TMTC2: variants seen among roughly 807,000 people sequenced by gnomAD.
TMTC2 encodes protein O-mannosyl-transferase TMTC2.
Under a neutral mutation model 82.4 loss-of-function variants are expected in TMTC2, and 43 were observed. The observed-to-expected ratio is 0.52, with a 90% CI of 0.41 to 0.67. The LOEUF is 0.67. Ranked by LOEUF, TMTC2 falls within the 30% of genes least tolerant of loss-of-function variation. The probability of loss-of-function intolerance (pLI) is 0.00; values close to 1 mark genes in which losing one functional copy is unlikely to be tolerated. For synonymous variants in TMTC2, 408 were observed against 381.9 expected, an observed-to-expected ratio of 1.07 and a Z score of -0.80; for missense variants, 919 against 1,012.4, an observed-to-expected ratio of 0.91 and a Z score of 1.25.
intron 8 of TMTC2, among the ~76,000 whole-genome samples, chr12:83,020,723 A>C (rs1303469418): frequency 2.0e-5 from 3 of 152,192 alleles, no homozygotes; most frequent in Admixed American, 2.0e-4. Context: ...ATTGTAACCT[A>C]TCAAATTATC....
chr12:82,771,225 A>T (rs1321851120), intron 1 of TMTC2, among the ~76,000 whole-genome samples: 2 of 148,478 alleles, frequency 1.3e-5, no homozygotes, highest in South Asian at 4.2e-4. Flanking sequence ...AAAAAAAAAA[A>T]GTTGTCGAAT....
At chr12:83,039,616 C>T (rs548218139) in intron 9 of TMTC2, among the ~76,000 whole-genome samples, 6 of 152,040 alleles carry the variant, frequency 3.9e-5, no homozygotes, top group South Asian at 4.2e-4. Context: ...AGGAGAGTGA[C>T]GTCATCAAGC....
intron 1 of TMTC2, among the ~76,000 whole-genome samples, chr12:82,769,337 G>A (rs1877158631): frequency 3.3e-5 from 5 of 151,926 alleles, no homozygotes; most frequent in South Asian, 2.1e-4. Context: ...TTAGCCAGGC[G>A]TGGTGGCAGG....
intron 10 of TMTC2, among the ~76,000 whole-genome samples, chr12:83,059,692 A>G (rs1882671604): frequency 6.6e-6 from 1 of 151,638 alleles, no homozygotes; most frequent in Non-Finnish European, 1.5e-5. Flanking sequence ...AAAACTAATA[A>G]CCATTTTGGG....
At chr12:82,968,221 G>T (rs1878302698) in intron 7 of TMTC2, among the ~76,000 whole-genome samples, 1 of 152,008 alleles carries the variant, frequency 6.6e-6, no homozygotes, top group African/African-American at 2.4e-5. Flanking sequence ...TTTTTTAATT[G>T]TCACTTTTTT....
intron 1 of TMTC2, among the ~76,000 whole-genome samples, chr12:82,782,022 C>T (rs564122946): frequency 9.2e-5 from 14 of 152,134 alleles, no homozygotes; most frequent in Admixed American, 1.3e-4. Flanking sequence ...CTCCCCCATC[C>T]GCAGAGAAAA....
At chr12:82,988,734 G>A (rs1425891613) in intron 8 of TMTC2, among the ~76,000 whole-genome samples, 1 of 151,044 alleles carries the variant, frequency 6.6e-6, no homozygotes, top group Non-Finnish European at 1.5e-5. Context: ...CTCTCAAATT[G>A]TTGAATTCTG....
At chr12:83,124,638 G>A (rs1440231066) in intron 11 of TMTC2, among the ~76,000 whole-genome samples, 1 of 150,990 alleles carries the variant, frequency 6.6e-6, no homozygotes, top group African/African-American at 2.4e-5. Flanking sequence ...AGCAGTCTAC[G>A]ATAAGGAATG....
intron 4 of TMTC2, among the ~76,000 whole-genome samples, chr12:82,942,061 T>C (rs887076746): frequency 4.6e-5 from 7 of 152,328 alleles, no homozygotes; most frequent in African/African-American, 1.7e-4. Context: ...TTTTGAAATA[T>C]AGTCTTACAA....
intron 1 of TMTC2, among the ~76,000 whole-genome samples, chr12:82,807,970 T>A (rs918904662): frequency 5.3e-5 from 8 of 152,004 alleles, no homozygotes; most frequent in Non-Finnish European, 1.2e-4. Context: ...GCTTTAAAAA[T>A]TTTTAGGTTT....
At position 82,858,427 on chromosome 12, in the gene TMTC2, G is replaced by T. The variant is rs867313442; in HGVS notation, c.654+847G>T. On this transcript the variant is annotated intron_variant, in intron 2 of 11. Coordinates refer to ENST00000321196, the MANE Select transcript of TMTC2 (RefSeq NM_152588.3). Reference sequence around the variant, plus strand: ...GGCGTGAAGACGGAACTGGGCCAGGGTTTGCCAACTTTGGTCATGTTTTAG... The same window carrying T: ...GGCGTGAAGACGGAACTGGGCCAGGTTTTGCCAACTTTGGTCATGTTTTAG... 2.6e-5 allele frequency among the ~76,000 whole-genome samples: 4 copies of T among 152,276 alleles called. 1 individual carries two copies. The highest frequency in any genetic ancestry group is 7.2e-5 in the African/African-American group (3 of 41,550).
chr12:82,812,312 A>T (rs188656637), intron 1 of TMTC2, among the ~76,000 whole-genome samples: 2 of 152,178 alleles, frequency 1.3e-5, no homozygotes, highest in Admixed American at 1.3e-4. Flanking sequence ...GGTTGTATTG[A>T]GATTGATTCA....
chr12:82,750,112 A>G (rs1875904575), intron 1 of TMTC2, among the ~76,000 whole-genome samples: 1 of 152,096 alleles, frequency 6.6e-6, no homozygotes, highest in Admixed American at 6.6e-5. Context: ...ACAGTAGCCA[A>G]TTCGGATATT....
At chr12:82,750,813 T>C (rs1875957239) in intron 1 of TMTC2, among the ~76,000 whole-genome samples, 2 of 152,206 alleles carry the variant, frequency 1.3e-5, no homozygotes, top group Admixed American at 1.3e-4. Flanking sequence ...CTGGGCTAAA[T>C]TCTGGGAGAG....
At chr12:82,779,922 C>T (rs1263939950) in intron 1 of TMTC2, among the ~76,000 whole-genome samples, 1 of 151,842 alleles carries the variant, frequency 6.6e-6, no homozygotes, top group East Asian at 1.9e-4. Flanking sequence ...CCATAGTTCT[C>T]ATGATGTTAC....
At chr12:82,948,914 G>A (rs1256986840) in intron 4 of TMTC2, among the ~76,000 whole-genome samples, 1 of 151,078 alleles carries the variant, frequency 6.6e-6, no homozygotes, top group Non-Finnish European at 1.5e-5. Flanking sequence ...TAGGTTTTCT[G>A]GCTGTGGACT....
chr12:82,749,133 A>G (rs1875843387), intron 1 of TMTC2, among the ~76,000 whole-genome samples: 2 of 152,238 alleles, frequency 1.3e-5, no homozygotes. Context: ...TTTCACGTCA[A>G]ATATGTGCAT....
rs1177360812 is a variant in TMTC2, at chr12:82,820,611, G to A, written c.84-36399G>A. ...GCTGGTCTTGAACTCCTGACCTCAG[G>A]TGATCTGCCTGCCTCAGCCTCCCAA... On this transcript the variant is annotated intron_variant, in intron 1 of 11. Transcript: ENST00000321196. Among the ~76,000 whole-genome samples the A allele has an allele frequency of 3.3e-5, 5 of 152,118 alleles. No homozygotes were observed. In the East Asian group the frequency reaches 9.6e-4, roughly 29 times the overall value.
At chr12:82,960,144 A>G (rs532984876) in intron 4 of TMTC2, among the ~76,000 whole-genome samples, 4 of 152,198 alleles carry the variant, frequency 2.6e-5, no homozygotes, top group African/African-American at 9.6e-5. Context: ...TCAGAATGCT[A>G]TTATTTAAAA....
Sources: allele counts gnomAD v4.1 joint callset (sites outside exome capture counted in the v4.1 genomes callset), GRCh38; gene constraint gnomAD v4.1.1; transcripts MANE v1.5; gene names NCBI Gene and HGNC (gene_info 2026-07-23, HGNC 2026-07-21).